Variants in CYRIA observed in about 807,000 individuals in gnomAD.
CYRIA encodes the protein CYFIP related Rac1 interactor A.
Under a neutral mutation model 43.9 loss-of-function variants are expected in CYRIA, and 15 were observed. That is an observed-to-expected ratio of 0.34 (90% CI 0.23 to 0.53). The LOEUF (loss-of-function observed/expected upper bound fraction) is 0.53. CYRIA is among the 20% of genes least tolerant of loss of function. CYRIA has a pLI of 0.94. For missense variants in CYRIA, 236 were observed against 394.2 expected, an observed-to-expected ratio of 0.60 and a Z score of 3.40; for synonymous variants, 117 against 136.0, an observed-to-expected ratio of 0.86 and a Z score of 0.97.
chr2:16,602,879 G>A (rs1668258314), intron 2 of CYRIA, among the ~76,000 whole-genome samples: 1 of 152,056 alleles, frequency 6.6e-6, no homozygotes, highest in Non-Finnish European at 1.5e-5. Flanking sequence ...CCTCGCTGGT[G>A]GTCCAGAATA....
At chr2:16,558,375 A>T (rs1008865563) in intron 10 of CYRIA, among the ~76,000 whole-genome samples, 1 of 152,162 alleles carries the variant, frequency 6.6e-6, no homozygotes, top group African/African-American at 2.4e-5. Context: ...CATTCTTCAG[A>T]CCTATGGCCC....
At chr2:16,559,244 A>G (rs111471478) in intron 10 of CYRIA, among the ~76,000 whole-genome samples, 5,921 of 152,242 alleles carry the variant, frequency 0.039, 358 homozygotes, top group African/African-American at 0.13. Flanking sequence ...GATCAGCATC[A>G]TAACATTGCT....
intron 2 of CYRIA, among the ~76,000 whole-genome samples, chr2:16,616,631 T>G (rs1006678453): frequency 6.6e-6 from 1 of 152,240 alleles, no homozygotes; most frequent in Non-Finnish European, 1.5e-5. Context: ...TGCAACTCAA[T>G]CATCCAGGAG....
chr2:16,577,841 A>C (rs1251025622), intron 3 of CYRIA, among the ~76,000 whole-genome samples: 1 of 152,160 alleles, frequency 6.6e-6, no homozygotes, highest in African/African-American at 2.4e-5. Flanking sequence ...CACAAGAGAA[A>C]TGCTCCTACA....
intron 2 of CYRIA, among the ~76,000 whole-genome samples, chr2:16,599,417 T>C (rs543393802): frequency 2.9e-5 from 1 of 34,884 alleles, no homozygotes; most frequent in East Asian, 4.8e-4. Context: ...GAGCCAGGTG[T>C]GGGATATAGT....
At chr2:16,651,313 C>G (rs1305747249) in intron 1 of CYRIA, among the ~76,000 whole-genome samples, 2 of 152,196 alleles carry the variant, frequency 1.3e-5, no homozygotes, top group Non-Finnish European at 2.9e-5. Flanking sequence ...GTCATATCAA[C>G]TACATTAAAT....
chr2:16,588,930 C>G (rs1345506147), intron 2 of CYRIA, among the ~76,000 whole-genome samples: 2 of 152,082 alleles, frequency 1.3e-5, no homozygotes, highest in Non-Finnish European at 2.9e-5. Context: ...CAGAAAATTA[C>G]AAACCTCTTA....
chr2:16,636,286 A>G (rs1464264042), intron 1 of CYRIA, among the ~76,000 whole-genome samples: 1 of 152,158 alleles, frequency 6.6e-6, no homozygotes, highest in Non-Finnish European at 1.5e-5. Flanking sequence ...CCGACTCACA[A>G]AGCCCTTTAA....
At chr2:16,586,792 T>A (rs1667744700) in intron 3 of CYRIA, among the ~76,000 whole-genome samples, 1 of 152,122 alleles carries the variant, frequency 6.6e-6, no homozygotes. Context: ...TTAATGGCGA[T>A]AAAATATTTG....
At chr2:16,626,236 G>A (rs1400907323) in intron 1 of CYRIA, among the ~76,000 whole-genome samples, 1 of 152,084 alleles carries the variant, frequency 6.6e-6, no homozygotes, top group Admixed American at 6.5e-5. Flanking sequence ...TGCAGAGCCC[G>A]TAAGCCATCA....
At position 16,559,443 on chromosome 2, in the gene CYRIA, T is replaced by C; in HGVS notation, c.837+17A>G. 6.2e-7 allele frequency: 1 copy of C among 1,609,998 alleles called. No homozygotes were observed. The highest frequency in any genetic ancestry group is 8.5e-7 in the Non-Finnish European group (1 of 1,178,500). On this transcript the variant is annotated intron_variant, in intron 10 of 11. Coordinates refer to ENST00000381323, the MANE Select transcript of CYRIA (RefSeq NM_030797.4). ...ATGGGCCCTTATTTGGAAAGCACAT[T>C]TCACAACTATTCTTACATCGATCTT... is the stretch of plus-strand genomic sequence containing the variant.
chr2:16,575,716 C>T (rs554389715), intron 3 of CYRIA, among the ~76,000 whole-genome samples: 83 of 151,950 alleles, frequency 5.5e-4, no homozygotes, highest in African/African-American at 1.9e-3. Flanking sequence ...ATTAGCCGGG[C>T]GTGATGGCGG....
chr2:16,592,257 A>AC (rs1392214362), intron 2 of CYRIA, among the ~76,000 whole-genome samples: 2 of 152,090 alleles, frequency 1.3e-5, no homozygotes, highest in Non-Finnish European at 2.9e-5. Context: ...AACACTTCTG[A>AC]CCCCAAGCAT....
chr2:16,649,046 C>T (rs375750557), intron 1 of CYRIA, among the ~76,000 whole-genome samples: 7 of 151,602 alleles, frequency 4.6e-5, no homozygotes, highest in African/African-American at 1.2e-4. Context: ...GGAATTCAAC[C>T]GACCAGGTTG....
intron 1 of CYRIA, among the ~76,000 whole-genome samples, chr2:16,631,773 G>A (rs1572190554): frequency 1.3e-5 from 2 of 152,330 alleles, no homozygotes; most frequent in African/African-American, 4.8e-5. Flanking sequence ...GTAACGGTAT[G>A]TTACAGAGGT....
intron 2 of CYRIA, among the ~76,000 whole-genome samples, chr2:16,617,194 A>T (rs1572510699): frequency 6.6e-6 from 1 of 152,204 alleles, no homozygotes; most frequent in Non-Finnish European, 1.5e-5. Context: ...GAGCTGAGGT[A>T]AGAGAAATGA....
chr2:16,653,334 C>G (rs1489108355), intron 1 of CYRIA, among the ~76,000 whole-genome samples: 1 of 152,220 alleles, frequency 6.6e-6, no homozygotes, highest in Non-Finnish European at 1.5e-5. Flanking sequence ...TTGGCCCTCG[C>G]TGAGGCTCAG....
At position 16,573,183 on chromosome 2, in the gene CYRIA, C is replaced by G. The variant is rs140355549; in HGVS notation, c.71-7416G>C. Among the ~76,000 whole-genome samples, 23 of 152,322 alleles carry G rather than the reference C, an allele frequency of 1.5e-4. 1 individual carries two copies. Among genetic ancestry groups the G allele is most frequent in the African/African-American group, 5.5e-4 (23 of 41,572 alleles). On this transcript the variant is annotated intron_variant, in intron 3 of 11. Coordinates refer to ENST00000381323, the MANE Select transcript of CYRIA (RefSeq NM_030797.4). Reference sequence around the variant, plus strand: ...CTTACATTTCATGCCCAGCCCTAGGCTGGACACTGGATAAGACACAGAATA... The same window carrying G: ...CTTACATTTCATGCCCAGCCCTAGGGTGGACACTGGATAAGACACAGAATA...
chr2:16,553,008 A>T lies in CYRIA; in HGVS notation c.909-9T>A, dbSNP rs373188470. On this transcript the variant is annotated splice_polypyrimidine_tract_variant and intron_variant, in intron 11 of 11. Coordinates refer to ENST00000381323, the MANE Select transcript of CYRIA (RefSeq NM_030797.4). ...AGTGCTTTGTAGTGAACCTGGATGGAGAGAGAATGGTAGAGGTTAGCGGCA... is the reference window on the plus strand; with the variant it reads ...AGTGCTTTGTAGTGAACCTGGATGGTGAGAGAATGGTAGAGGTTAGCGGCA... The T allele has an allele frequency of 8.2e-6, 13 of 1,591,478 alleles. No homozygotes were observed. In the African/African-American group the frequency reaches 1.6e-4, roughly 20 times the overall value.
Sources: allele counts gnomAD v4.1 joint callset (sites outside exome capture counted in the v4.1 genomes callset), GRCh38; gene constraint gnomAD v4.1.1; transcripts MANE v1.5; gene names NCBI Gene and HGNC (gene_info 2026-07-23, HGNC 2026-07-21).